COL6A2: variants seen among roughly 807,000 people sequenced by gnomAD.
COL6A2 encodes collagen type VI alpha 2 chain.
In COL6A2, 90 loss-of-function variants were observed where a neutral mutation model predicts 124.9. The ratio of observed to expected loss-of-function variants is 0.72; its 90% confidence interval spans 0.61 to 0.86. COL6A2 has a LOEUF of 0.86. Among genes scored for constraint, COL6A2 ranks in the 40% least tolerant of loss-of-function variants. The probability of loss-of-function intolerance (pLI) is 0.00; values close to 1 mark genes in which losing one functional copy is unlikely to be tolerated. For synonymous variants in COL6A2, 793 were observed against 618.2 expected (o/e 1.28, Z -4.19); for missense variants, 1,607 against 1,502.5 (o/e 1.07, Z -1.15).
chr21:46,111,460 C>T lies in COL6A2; in HGVS notation c.-17C>T. 1.2e-6 allele frequency: 2 copies of T among 1,600,500 alleles called. No homozygotes were observed. Among genetic ancestry groups the T allele is most frequent in the South Asian group, 2.2e-5 (2 of 90,654 alleles). On this transcript the variant is annotated 5_prime_UTR_variant, in exon 2 of 28. Coordinates refer to ENST00000300527, the MANE Select transcript of COL6A2 (RefSeq NM_001849.4). ...CCACCCCTGTTGCAGGACTTCAGGG[C>T]CACAGGTGCTGCCAAGATGCTCCAG...
intron 4 of COL6A2, 162 bp from the exon 5 acceptor site, chr21:46,113,846 C>T: frequency 1.5e-6 from 1 of 672,442 alleles, no homozygotes; most frequent in Non-Finnish European, 2.7e-6. Flanking sequence ...CTCACAGCAC[C>T]CCATGTCTCA....
At position 46,112,288 on chromosome 21, in the gene COL6A2, C is replaced by T. The variant is rs866311790; in HGVS notation, c.425C>T (p.Thr142Met). The T allele has an allele frequency of 1.2e-5, 19 of 1,612,478 alleles. No individual in the cohort carries two copies. Among genetic ancestry groups the T allele is most frequent in the Middle Eastern group, 1.6e-4 (1 of 6,084 alleles). ...ACCGACTGCGCGCTGGCCAACATGA[C>T]GGAGCAGATCCGGCAGGACCGCAGC... is the stretch of plus-strand genomic sequence containing the variant. ...TFTDCALANM[T>M]EQIRQDRSKG... The change falls in exon 3 of 28, where the codon ACG becomes ATG. Residue 142 changes from threonine to methionine, a missense_variant. This residue lies in a region of COL6A2 where 342 missense variants were observed against 381.5 expected (regional missense o/e 0.90). Transcript: ENST00000300527.
intron 16 of COL6A2, 43 bp downstream of exon 16, chr21:46,120,620 A>T (rs776500578): frequency 7.0e-7 from 1 of 1,426,838 alleles, no homozygotes; most frequent in Non-Finnish European, 9.3e-7. Context: ...AGGGGATCTG[A>T]GGGGGTGCAG....
In COL6A2 at chr21:46,132,365, A is replaced by G; in HGVS notation, c.2873A>G (p.His958Arg). The G allele has an allele frequency of 6.2e-7, 1 of 1,609,130 alleles. No individual in the cohort carries two copies. The highest frequency in any genetic ancestry group is 8.5e-7 in the Non-Finnish European group (1 of 1,179,562). The change falls in exon 28 of 28, where the codon CAC (histidine) becomes CGC (arginine). Residue 958 changes from histidine to arginine, a missense_variant. Coordinates refer to ENST00000300527, the MANE Select transcript of COL6A2 (RefSeq NM_001849.4). ...TDGVTGNDSL[H>R]ESAHSMRKQN... ...GGCGTCACGGGCAACGACAGTCTGCACGAGTCGGCGCACTCCATGCGCAAG... is the reference window on the plus strand; with the variant it reads ...GGCGTCACGGGCAACGACAGTCTGCGCGAGTCGGCGCACTCCATGCGCAAG...
rs2078779966 is a variant in COL6A2, at chr21:46,132,711, C to T, written c.*159C>T. 5 of 722,848 alleles carry T rather than the reference C, an allele frequency of 6.9e-6. No individual in the cohort carries two copies. Among genetic ancestry groups the T allele is most frequent in the Non-Finnish European group, 1.1e-5 (5 of 437,698 alleles). 44.8% of individuals were successfully genotyped at this position (722,848 alleles called of 1,614,324 possible). Reference sequence around the variant, plus strand: ...CCCACGGGGTCCCCGTAGCCCCGGCCCCCGCCCAGCCCCAGGTCTCCCCAG... The same window carrying T: ...CCCACGGGGTCCCCGTAGCCCCGGCTCCCGCCCAGCCCCAGGTCTCCCCAG... On this transcript the variant is annotated 3_prime_UTR_variant, in exon 28 of 28. Transcript: ENST00000300527.
intron 1 of COL6A2, among the ~76,000 whole-genome samples, chr21:46,106,426 C>T (rs924364204): frequency 6.6e-6 from 1 of 152,194 alleles, no homozygotes; most frequent in Non-Finnish European, 1.5e-5. Context: ...GTTTCCTCAT[C>T]TGTTGGAGTG....
intron 14 of COL6A2, 22 bp from the exon 15 acceptor site, chr21:46,119,766 C>A (rs1222574251): frequency 1.3e-6 from 2 of 1,554,750 alleles, no homozygotes; most frequent in East Asian, 4.8e-5. Flanking sequence ...CCCTCCCTCA[C>A]CCACACGCCT....
intron 13 of COL6A2, 83 bp downstream of exon 13, chr21:46,118,759 A>C: frequency 6.8e-7 from 1 of 1,463,750 alleles, no homozygotes; most frequent in Admixed American, 1.9e-5. Context: ...GCTGGCCACC[A>C]TCTCTGCTGT....
intron 14 of COL6A2, among the ~76,000 whole-genome samples, 186 bp from the exon 15 acceptor site, chr21:46,119,602 G>A (rs1248576751): frequency 1.3e-5 from 2 of 152,208 alleles, no homozygotes; most frequent in Admixed American, 6.5e-5. Context: ...AGGGACGAGG[G>A]CTGGCAGCAG....
chr21:46,107,283 C>T (rs1376798427), intron 1 of COL6A2, among the ~76,000 whole-genome samples: 1 of 152,050 alleles, frequency 6.6e-6, no homozygotes, highest in Non-Finnish European at 1.5e-5. Flanking sequence ...ATATTCTTAT[C>T]TAAGGGGTCT....
At chr21:46,121,729 C>T (rs1292623691) in intron 18 of COL6A2, 111 bp downstream of exon 18, 20 of 1,054,210 alleles carry the variant, frequency 1.9e-5, no homozygotes, top group South Asian at 4.1e-5. Context: ...TGCCTCAGGA[C>T]GGGCCTGTGC....
intron 27 of COL6A2, among the ~76,000 whole-genome samples, chr21:46,128,094 T>G (rs907647446): frequency 6.6e-6 from 1 of 152,124 alleles, no homozygotes; most frequent in African/African-American, 2.4e-5. Context: ...CCTCGTAGGG[T>G]CCTGTGGTGG....
rs1447988077 is a variant in COL6A2 at position 46,132,138 on chromosome 21, T to C, written c.2646T>C (p.Phe882=). Residue 882 remains phenylalanine (F), a synonymous_variant, in exon 28 of 28, where the codon TTT becomes TTC. Coordinates refer to ENST00000300527, the MANE Select transcript of COL6A2 (RefSeq NM_001849.4). ...PLNARVALLQ[F]GGPGEQQVAF... ...ACGCACGCGTGGCGCTGCTGCAGTT[T>C]GGTGGCCCCGGCGAGCAGCAGGTGG... 1.3e-6 allele frequency: 2 copies of C among 1,575,550 alleles called. No homozygotes were observed. The highest frequency in any genetic ancestry group is 1.1e-5 in the South Asian group (1 of 87,046).
At chr21:46,101,366 C>G (rs946840644) in intron 1 of COL6A2, among the ~76,000 whole-genome samples, 8 of 152,082 alleles carry the variant, frequency 5.3e-5, no homozygotes, top group Admixed American at 5.2e-4. Flanking sequence ...GTTCTTTTTA[C>G]TCTGTTAATG....
intron 24 of COL6A2, 56 bp from the exon 25 acceptor site, chr21:46,125,409 G>A: frequency 1.2e-6 from 2 of 1,609,932 alleles, no homozygotes; most frequent in South Asian, 1.1e-5. Context: ...ATGTGCACGT[G>A]ACCCTAGGGT....
At chr21:46,121,457 G>A (rs1024419461) in intron 17 of COL6A2, 99 bp from the exon 18 acceptor site, 4 of 1,173,132 alleles carry the variant, frequency 3.4e-6, no homozygotes, top group African/African-American at 1.5e-5. Flanking sequence ...CTGCGGCCAT[G>A]TGGCCTGGTG....
intron 5 of COL6A2, among the ~76,000 whole-genome samples, chr21:46,114,380 A>G (rs565288094): frequency 8.6e-5 from 13 of 151,238 alleles, no homozygotes; most frequent in African/African-American, 2.4e-4. Flanking sequence ...AGCAGAGATC[A>G]CGCCACTGCA....
intron 17 of COL6A2, among the ~76,000 whole-genome samples, chr21:46,121,340 A>G (rs1376790981): frequency 6.6e-6 from 1 of 152,156 alleles, no homozygotes; most frequent in Non-Finnish European, 1.5e-5. Context: ...CAGGTTGTGG[A>G]GTCAGGGGCA....
chr21:46,127,223 G>T (rs975153613), intron 27 of COL6A2, among the ~76,000 whole-genome samples: 1 of 152,148 alleles, frequency 6.6e-6, no homozygotes, highest in Non-Finnish European at 1.5e-5. Context: ...TGAGGGTAGG[G>T]ATGCCATGGA....
Sources: allele counts gnomAD v4.1 joint callset (sites outside exome capture counted in the v4.1 genomes callset), GRCh38; gene constraint gnomAD v4.1.1; regional missense constraint gnomAD v4.1.1; transcripts MANE v1.5; gene names NCBI Gene and HGNC (gene_info 2026-07-23, HGNC 2026-07-21).